Variants in SPG11 observed in about 807,000 individuals in gnomAD.
The protein encoded by SPG11 is spatacsin.
A neutral mutation model predicts 274.0 loss-of-function variants in SPG11; 222 were observed. That is an observed-to-expected ratio of 0.81 (90% CI 0.73 to 0.91). The LOEUF (loss-of-function observed/expected upper bound fraction) is 0.91, where lower values mean the gene tolerates loss of function less well. SPG11 is among the 40% of genes least tolerant of loss of function. The probability of loss-of-function intolerance (pLI) is 0.00; values close to 1 mark genes in which losing one functional copy is unlikely to be tolerated. For synonymous variants in SPG11, 1,144 were observed against 1,039.7 expected, an observed-to-expected ratio of 1.10 and a Z score of -1.93; for missense variants, 3,114 against 2,872.7, an observed-to-expected ratio of 1.08 and a Z score of -1.92.
chr15:44,597,379 T>C (rs778142437), intron 23 of SPG11, among the ~76,000 whole-genome samples: 1 of 152,170 alleles, frequency 6.6e-6, no homozygotes, highest in African/African-American at 2.4e-5. Flanking sequence ...CCTGAAGTGC[T>C]GGGATTACAG....
chr15:44,632,574 A>C (rs2084101650), intron 8 of SPG11, among the ~76,000 whole-genome samples: 1 of 151,434 alleles, frequency 6.6e-6, no homozygotes, highest in South Asian at 2.1e-4. Context: ...GCAGTGGCAC[A>C]ATCATAGATC....
intron 35 of SPG11, 92 bp downstream of exon 35, chr15:44,569,306 T>C: frequency 1.1e-6 from 1 of 949,048 alleles, no homozygotes; most frequent in East Asian, 2.6e-5. Flanking sequence ...TTCCCAAGAG[T>C]CTACCCTGAC....
intron 7 of SPG11, among the ~76,000 whole-genome samples, chr15:44,634,701 C>T (rs971977624): frequency 6.6e-6 from 1 of 152,026 alleles, no homozygotes; most frequent in Non-Finnish European, 1.5e-5. Flanking sequence ...ATCCTCCCAC[C>T]TCAGAGTCCC....
Position 44,651,957 on chromosome 15 carries a change from T to C in SPG11, c.1008-18A>G. On this transcript the variant is annotated intron_variant, in intron 5 of 39. Transcript: ENST00000261866. Reference sequence around the variant, plus strand: ...TCCAAGACCTGGAAACAAGGTAAAATATAACTTAACACCTGTCACAGTAAA... The same window carrying C: ...TCCAAGACCTGGAAACAAGGTAAAACATAACTTAACACCTGTCACAGTAAA... 1.2e-6 allele frequency: 2 copies of C among 1,605,490 alleles called. No homozygotes were observed. Among genetic ancestry groups the C allele is most frequent in the Non-Finnish European group, 1.7e-6 (2 of 1,177,704 alleles).
At chr15:44,605,261 T>C (rs116809258) in intron 20 of SPG11, among the ~76,000 whole-genome samples, 1,702 of 152,310 alleles carry the variant, frequency 0.011, 41 homozygotes, top group African/African-American at 0.039. Flanking sequence ...AAATATTTAC[T>C]GAACATCTAC....
rs2085027110 is a variant in SPG11 at position 44,659,116 on chromosome 15, T to A, written c.630A>T (p.Arg210Ser). ...VDMIIDTQLC[R>S]GILFVLSSLG... is the part of the protein sequence containing the mutation. ...AACTACTCAAAACAAAAAGAATTCC[T>A]CTGCAGAGCTGCGTGTCAATAATCA... The change falls in exon 3 of 40, where the codon AGA becomes AGT. Residue 210 changes from arginine to serine, a missense_variant. Physicochemically the swap from Arg to Ser is moderately radical, Grantham distance 110. Transcript: ENST00000261866. 6.2e-7 allele frequency: 1 copy of A among 1,614,198 alleles called. No homozygotes were observed. The highest frequency in any genetic ancestry group is 2.2e-5 in the East Asian group (1 of 44,876).
At chr15:44,585,962 T>C in intron 28 of SPG11, 112 bp from the exon 29 acceptor site, 3 of 858,750 alleles carry the variant, frequency 3.5e-6, no homozygotes, top group Non-Finnish European at 5.5e-6. Flanking sequence ...AGTAATGTGG[T>C]TAAAGGAAAA....
chr15:44,619,491 T>C (rs1423652573), intron 15 of SPG11, among the ~76,000 whole-genome samples: 2 of 152,202 alleles, frequency 1.3e-5, no homozygotes, highest in Admixed American at 1.3e-4. Flanking sequence ...TCATTATTTC[T>C]TAATTCAGCA....
chr15:44,594,565 C>T (rs2082984709), intron 26 of SPG11, among the ~76,000 whole-genome samples: 2 of 130,632 alleles, frequency 1.5e-5, no homozygotes, highest in African/African-American at 5.8e-5. Flanking sequence ...GCCTGGTCAA[C>T]ATGGCAAAAC....
chr15:44,598,556 A>T, intron 22 of SPG11, 75 bp downstream of exon 22: 12 of 1,446,476 alleles, frequency 8.3e-6, no homozygotes, highest in Non-Finnish European at 1.2e-5. Context: ...TTTCTCCCCA[A>T]ACACTCACAA....
chr15:44,573,923 C>A, intron 31 of SPG11, 178 bp from the exon 32 acceptor site: 1 of 634,374 alleles, frequency 1.6e-6, no homozygotes, highest in Non-Finnish European at 2.8e-6. Context: ...TATCATTTCA[C>A]CAAAGCCAAA....
intron 7 of SPG11, 103 bp downstream of exon 7, chr15:44,648,763 C>A (rs1375822491): frequency 7.4e-7 from 1 of 1,343,222 alleles, no homozygotes; most frequent in Admixed American, 1.7e-5. Flanking sequence ...GGCTATAGTT[C>A]TTTTTGCTGC....
At chr15:44,592,583 C>A (rs994575475) in intron 26 of SPG11, 145 bp from the exon 27 acceptor site, 1 of 665,992 alleles carries the variant, frequency 1.5e-6, no homozygotes, top group Admixed American at 2.1e-5. Flanking sequence ...CTTTGGGAAG[C>A]CGAGCCAGTG....
At chr15:44,619,294 T>C (rs1043725378) in intron 15 of SPG11, among the ~76,000 whole-genome samples, 12 of 152,192 alleles carry the variant, frequency 7.9e-5, no homozygotes, top group Admixed American at 6.5e-5. Context: ...TTAACATACA[T>C]GTTATTAGCT....
rs1205123910 is a variant in SPG11, at chr15:44,589,336, G to C, written c.4822C>G (p.Leu1608Val). The C allele has an allele frequency of 6.2e-7, 1 of 1,614,148 alleles. No individual in the cohort carries two copies. The highest frequency in any genetic ancestry group is 1.3e-5 in the African/African-American group (1 of 75,054). ...LEDQVCFLLKLMLQQCKTQYE... is the reference protein window; with the variant it reads ...LEDQVCFLLKVMLQQCKTQYE... Reference sequence around the variant, plus strand: ...TGGGTCTTACACTGCTGTAGCATAAGCTTCAAAAGGAAACACACCTGATCC... The same window carrying C: ...TGGGTCTTACACTGCTGTAGCATAACCTTCAAAAGGAAACACACCTGATCC... The change falls in exon 28 of 40, where the codon CTT (leucine) becomes GTT (valine). Residue 1608 changes from leucine (L) to valine (V), a missense_variant. Coordinates refer to ENST00000261866, the MANE Select transcript of SPG11 (RefSeq NM_025137.4).
intron 9 of SPG11, 117 bp from the exon 10 acceptor site, chr15:44,628,961 CAATAT>C: frequency 9.3e-7 from 1 of 1,070,212 alleles, no homozygotes; most frequent in South Asian, 1.3e-5. Flanking sequence ...AAATTTCAAA[CAATAT>C]GTCTGAGGAT....
intron 7 of SPG11, among the ~76,000 whole-genome samples, chr15:44,637,027 A>C (rs2141067704): frequency 6.7e-6 from 1 of 149,442 alleles, no homozygotes. Flanking sequence ...CTTAATGTTC[A>C]TTTTACTAAT....
Position 44,585,847 on chromosome 15 carries a change from G to T in SPG11, c.4910C>A (p.Pro1637Gln), listed in dbSNP as rs755996252. ...VEREHLFSDGPDVKKLCILCQ... is the reference protein window; with the variant it reads ...VEREHLFSDGQDVKKLCILCQ... ...AAGGATGCAAAGCTTTTTCACATCT[G>T]GACCTGTGCCAAAGAGAAAAGGATA... The change falls in exon 29 of 40, where the codon CCA (proline) becomes CAA (glutamine). Residue 1637 changes from proline (P) to glutamine (Q), a missense_variant. Coordinates refer to ENST00000261866, the MANE Select transcript of SPG11 (RefSeq NM_025137.4). The T allele has an allele frequency of 7.4e-6, 12 of 1,613,632 alleles. No homozygotes were observed. The highest frequency in any genetic ancestry group is 9.3e-6 in the Non-Finnish European group (11 of 1,179,796).
At chr15:44,629,495 C>A (rs1361707428) in intron 8 of SPG11, 107 bp from the exon 9 acceptor site, 1 of 1,243,468 alleles carries the variant, frequency 8.0e-7, no homozygotes, top group Non-Finnish European at 1.1e-6. Flanking sequence ...AAAACAAGGA[C>A]CAATGTCTTA....
Sources: gnomAD v4.1 joint callset for allele counts (sites outside exome capture counted in the v4.1 genomes callset) on GRCh38, gnomAD v4.1.1 for gene constraint, MANE v1.5 for transcripts, NCBI Gene and HGNC (gene_info 2026-07-23, HGNC 2026-07-21) for gene names.